The following ABLIM2 variants were observed in gnomAD, a reference collection of about 807,000 sequenced individuals.
ABLIM2 encodes actin-binding LIM protein 2.
In ABLIM2, 53 loss-of-function variants were observed where a neutral mutation model predicts 97.7. The ratio of observed to expected loss-of-function variants is 0.54; its 90% confidence interval spans 0.44 to 0.68. The LOEUF (loss-of-function observed/expected upper bound fraction) is 0.68, where lower values mean the gene tolerates loss of function less well. ABLIM2 is among the 30% of genes least tolerant of loss of function. ABLIM2 has a pLI of 0.00. For missense variants in ABLIM2, 835 were observed against 867.2 expected (o/e 0.96, Z 0.47); for synonymous variants, 361 against 345.8 (o/e 1.04, Z -0.49).
At chr4:8,065,719 T>G (rs1359623567) in intron 6 of ABLIM2, among the ~76,000 whole-genome samples, 1 of 150,508 alleles carries the variant, frequency 6.6e-6, no homozygotes, top group Non-Finnish European at 1.5e-5. Flanking sequence ...AGGTCAGGAG[T>G]TTGAGACCAG....
intron 1 of ABLIM2, among the ~76,000 whole-genome samples, chr4:8,152,409 GC>G: frequency 6.6e-6 from 1 of 152,234 alleles, no homozygotes; most frequent in Non-Finnish European, 1.5e-5. Context: ...GCTCCGAGCA[GC>G]GCTGCGAGGA....
At chr4:8,133,472 C>T (rs901636904) in intron 1 of ABLIM2, among the ~76,000 whole-genome samples, 3 of 152,170 alleles carry the variant, frequency 2.0e-5, no homozygotes, top group Non-Finnish European at 4.4e-5. Flanking sequence ...GACGGGAGGT[C>T]CCCACCCCAC....
In ABLIM2 at chr4:8,148,605, G is replaced by GTGCAGGGCCCCAGCACA. The variant is rs1554124987; in HGVS notation, c.10+10074_10+10075insTGTGCTGGGGCCCTGCA. Among the ~76,000 whole-genome samples the GTGCAGGGCCCCAGCACA allele has an allele frequency of 3.5e-5, 4 of 115,566 alleles. No homozygotes were observed. Among genetic ancestry groups the GTGCAGGGCCCCAGCACA allele is most frequent in the Non-Finnish European group, 7.4e-5 (4 of 54,346 alleles). The allele number at this position is 115,566 out of a possible 152,430, so 75.8% of individuals were successfully genotyped here. A position where few individuals can be genotyped will look rare whatever the true frequency, so the allele number is the denominator to read the frequency against. ...GGATTATAGGGTGAAAGCACATCGC[G>GTGCAGGGCCCCAGCACA]GTGCTGGGTCCACACTGGGGAAGCG... is the stretch of plus-strand genomic sequence containing the variant. On this transcript the variant is annotated intron_variant, in intron 1 of 20. Transcript: ENST00000447017. This position sits in a 1 kb window ranked among gnomAD's most constrained non-coding sequence, Gnocchi z 6.7.
chr4:8,127,801 C>T lies in ABLIM2; in HGVS notation c.11-21164G>A, dbSNP rs1044376503. On this transcript the variant is annotated intron_variant, in intron 1 of 20. Transcript: ENST00000447017. The surrounding 1 kb of genome is among the most constrained non-coding windows in gnomAD (Gnocchi z 7.3). The stretch of plus-strand genomic sequence containing the variant: ...CCCGCCACACTATGCGCCAGAGACA[C>T]ACCTGTCTCCCAGGCATCCGGGAAA... 10 of 822,650 alleles carry T rather than the reference C, an allele frequency of 1.2e-5. No individual in the cohort carries two copies. The highest frequency in any genetic ancestry group is 1.5e-5 in the Non-Finnish European group (10 of 681,620). 51.0% of individuals were successfully genotyped at this position (822,650 alleles called of 1,614,324 possible).
At chr4:7,989,813 G>A (rs530812711) in intron 17 of ABLIM2, among the ~76,000 whole-genome samples, 1 of 152,230 alleles carries the variant, frequency 6.6e-6, no homozygotes, top group South Asian at 2.1e-4. Flanking sequence ...CTACCACAAG[G>A]ACCTGCTGCC....
chr4:8,073,993 A>G (rs1008821735), intron 6 of ABLIM2, among the ~76,000 whole-genome samples: 1 of 148,760 alleles, frequency 6.7e-6, no homozygotes, highest in Admixed American at 6.8e-5. Flanking sequence ...AGGCTGAAGC[A>G]GGAGAATGGC....
chr4:7,978,835 G>A (rs968177195), intron 20 of ABLIM2, among the ~76,000 whole-genome samples: 5 of 152,236 alleles, frequency 3.3e-5, no homozygotes, highest in African/African-American at 1.2e-4. Flanking sequence ...CAGTGTTGGA[G>A]TTCCTTTTGG....
At chr4:8,053,991 G>A (rs939852019) in intron 8 of ABLIM2, among the ~76,000 whole-genome samples, 197 bp downstream of exon 8, 8 of 152,140 alleles carry the variant, frequency 5.3e-5, no homozygotes, top group Non-Finnish European at 1.2e-4. Context: ...AAACAAAGAT[G>A]CCCTTGTTCC....
At position 8,021,838 on chromosome 4, in the gene ABLIM2, G is replaced by T. The variant is rs1773928341; in HGVS notation, c.1268-1535C>A. On this transcript the variant is annotated intron_variant, in intron 12 of 20. Coordinates refer to ENST00000447017, the MANE Select transcript of ABLIM2 (RefSeq NM_001130083.2). This position sits in a 1 kb window ranked among gnomAD's most constrained non-coding sequence, Gnocchi z 5.5. ...CTGATTTTGCCTGTCAATGCTGATG[G>T]AGCGTCAGATAACTGCCCTTCCCTT... Among the ~76,000 whole-genome samples the T allele has an allele frequency of 6.6e-6, 1 of 152,246 alleles. No homozygotes were observed. The highest frequency in any genetic ancestry group is 2.1e-4 in the South Asian group (1 of 4,836).
intron 7 of ABLIM2, among the ~76,000 whole-genome samples, chr4:8,055,610 A>G (rs567172743): frequency 1.2e-4 from 18 of 152,330 alleles, no homozygotes; most frequent in Admixed American, 7.8e-4. Context: ...AGGCTAGCAC[A>G]TGGTAGGGGC....
At chr4:8,093,703 T>C (rs1368442850) in intron 3 of ABLIM2, among the ~76,000 whole-genome samples, 1 of 152,236 alleles carries the variant, frequency 6.6e-6, no homozygotes, top group Non-Finnish European at 1.5e-5. Context: ...CTAGCATACA[T>C]AGTTTCTGAT....
intron 20 of ABLIM2, among the ~76,000 whole-genome samples, chr4:7,971,811 C>T (rs1728294871): frequency 6.6e-6 from 1 of 152,156 alleles, no homozygotes; most frequent in Non-Finnish European, 1.5e-5. Flanking sequence ...GACTCTGACA[C>T]CTCCTTCCTC....
chr4:8,158,634 C>T (rs1578610362), intron 1 of ABLIM2, 46 bp downstream of exon 1: 2 of 1,504,760 alleles, frequency 1.3e-6, no homozygotes, highest in East Asian at 5.6e-5. Context: ...TGCGGCGCCG[C>T]GAGCCAGCGC....
At position 8,032,506 on chromosome 4, in the gene ABLIM2, A is replaced by G. The variant is rs1293455818; in HGVS notation, c.1048-2730T>C. The G allele has an allele frequency of 2.3e-5, 23 of 978,770 alleles. No homozygotes were observed. The highest frequency in any genetic ancestry group is 3.4e-5 in the Non-Finnish European group (22 of 639,502). The allele number at this position is 978,770 out of a possible 1,614,324, so 60.6% of individuals were successfully genotyped here. A position where few individuals can be genotyped will look rare whatever the true frequency, so the allele number is the denominator to read the frequency against. ...TAACCAGCAGCCAGGAGGGTGCCCC[A>G]TGTCACAAGGGCCGTGGCCCCGGGC... On this transcript the variant is annotated intron_variant, in intron 10 of 20. Coordinates refer to ENST00000447017, the MANE Select transcript of ABLIM2 (RefSeq NM_001130083.2). The surrounding 1 kb of genome is among the most constrained non-coding windows in gnomAD (Gnocchi z 4.3).
intron 17 of ABLIM2, among the ~76,000 whole-genome samples, chr4:7,991,200 CCTT>C (rs1748439314): frequency 6.6e-6 from 1 of 152,234 alleles, no homozygotes; most frequent in Non-Finnish European, 1.5e-5. Flanking sequence ...GAGACCATGA[CCTT>C]CTCTGCAGAT....
intron 9 of ABLIM2, 56 bp downstream of exon 9, chr4:8,045,108 C>A (rs368270624): frequency 6.6e-7 from 1 of 1,520,542 alleles, no homozygotes; most frequent in Non-Finnish European, 9.1e-7. Flanking sequence ...GGCCACCGGG[C>A]CCCCCTTCTC....
Position 8,044,167 on chromosome 4 carries a change from C to T in ABLIM2, c.900+997G>A, listed in dbSNP as rs1790592322. Among the ~76,000 whole-genome samples, 1 of 152,162 alleles carries T rather than the reference C, an allele frequency of 6.6e-6. No individual in the cohort carries two copies. Among genetic ancestry groups the T allele is most frequent in the Non-Finnish European group, 1.5e-5 (1 of 68,036 alleles). ...AATAAACTGTCTTAAAGTTCTGGAG[C>T]CTAGAAACCCAGTGGATCCAGCCTC... On this transcript the variant is annotated intron_variant, in intron 9 of 20. Transcript: ENST00000447017. This position sits in a 1 kb window ranked among gnomAD's most constrained non-coding sequence, Gnocchi z 4.4.
At chr4:8,041,163 A>C (rs935842186) in intron 9 of ABLIM2, among the ~76,000 whole-genome samples, 7 of 152,250 alleles carry the variant, frequency 4.6e-5, no homozygotes, top group African/African-American at 2.4e-5. Flanking sequence ...GGTCAAGTGC[A>C]TGCCCCACTG....
intron 5 of ABLIM2, 55 bp downstream of exon 5, chr4:8,080,621 C>T (rs1819188668): frequency 2.0e-6 from 3 of 1,510,616 alleles, no homozygotes; most frequent in Non-Finnish European, 2.7e-6. Context: ...GTGGGACCCC[C>T]ACAGAGTAGG....
Sources: gnomAD v4.1 joint callset for allele counts (sites outside exome capture counted in the v4.1 genomes callset) on GRCh38, gnomAD v4.1.1 for gene constraint, Gnocchi (gnomAD v3.1) non-coding constraint, MANE v1.5 for transcripts, NCBI Gene and HGNC (gene_info 2026-07-23, HGNC 2026-07-21) for gene names.